SSMEM1: variants seen among roughly 807,000 people sequenced by gnomAD.
SSMEM1 encodes serine-rich single-pass membrane protein 1.
SSMEM1 carries 12 observed loss-of-function variants against 9.9 expected under a neutral mutation model. That is an observed-to-expected ratio of 1.21 (90% CI 0.78 to 1.96). SSMEM1 has a LOEUF of 1.96. Ranked by LOEUF, SSMEM1 falls within the 30% of genes most tolerant of loss-of-function variation. SSMEM1 has a pLI of 0.00. For synonymous variants in SSMEM1, 96 were observed against 98.9 expected (o/e 0.97, Z 0.17); for missense variants, 259 against 292.2 (o/e 0.89, Z 0.83).
At chr7:130,208,924 G>A (rs562656633) in intron 1 of SSMEM1, among the ~76,000 whole-genome samples, 24 of 151,704 alleles carry the variant, frequency 1.6e-4, no homozygotes, top group Non-Finnish European at 3.2e-4. Flanking sequence ...GTGAAGTGGT[G>A]CAATCTTGGC....
chr7:130,213,395 G>T, intron 1 of SSMEM1, 85 bp from the exon 2 acceptor site: 1 of 963,030 alleles, frequency 1.0e-6, no homozygotes, highest in Non-Finnish European at 1.6e-6. Flanking sequence ...ATTATAAATG[G>T]GCCTCAGCAA....
At chr7:130,208,614 T>C (rs934894034) in intron 1 of SSMEM1, among the ~76,000 whole-genome samples, 1 of 152,248 alleles carries the variant, frequency 6.6e-6, no homozygotes, top group Non-Finnish European at 1.5e-5. Flanking sequence ...ACCTCCCTGC[T>C]GGTTAATGAC....
In SSMEM1 at chr7:130,216,645, A is replaced by G. The variant is rs1798716372; in HGVS notation, c.*175A>G. The G allele has an allele frequency of 2.5e-6, 2 of 789,688 alleles. No homozygotes were observed. Among genetic ancestry groups the G allele is most frequent in the Non-Finnish European group, 3.9e-6 (2 of 513,974 alleles). The allele number at this position is 789,688 out of a possible 1,614,324, so 48.9% of individuals were successfully genotyped here. On this transcript the variant is annotated 3_prime_UTR_variant, in exon 3 of 3. Coordinates refer to ENST00000297819, the MANE Select transcript of SSMEM1 (RefSeq NM_145268.4). Reference sequence around the variant, plus strand: ...CACACAATTCTTCGTTCAAAAAAAAAAAGGCCATCACGTGTTTATGGCACC... The same window carrying G: ...CACACAATTCTTCGTTCAAAAAAAAGAAGGCCATCACGTGTTTATGGCACC...
At chr7:130,205,512 G>A (rs950013339), upstream of SSMEM1, 66 of 1,421,100 alleles carry the variant, frequency 4.6e-5, no homozygotes, top group Admixed American at 4.4e-4. Flanking sequence ...AGAAAGGGAG[G>A]GGTCGCAGGC....
At chr7:130,207,725 G>A (rs1403684132), upstream of SSMEM1, 3 of 711,344 alleles carry the variant, frequency 4.2e-6, no homozygotes, top group East Asian at 2.8e-5. Flanking sequence ...ATTCAGAGGA[G>A]TAATTTGAAT....
At chr7:130,208,247 G>A (rs536188352) in intron 1 of SSMEM1, among the ~76,000 whole-genome samples, 154 bp downstream of exon 1, 2 of 152,266 alleles carry the variant, frequency 1.3e-5, no homozygotes, top group Non-Finnish European at 2.9e-5. Flanking sequence ...CAGGAATATG[G>A]AAAAGGATGA....
chr7:130,212,833 T>G (rs1156529282), intron 1 of SSMEM1, among the ~76,000 whole-genome samples: 1 of 152,124 alleles, frequency 6.6e-6, no homozygotes, highest in Non-Finnish European at 1.5e-5. Context: ...GTAATGTAAA[T>G]GGGTACAGGA....
chr7:130,209,643 G>A (rs978639370), intron 1 of SSMEM1, among the ~76,000 whole-genome samples: 5 of 152,140 alleles, frequency 3.3e-5, no homozygotes, highest in African/African-American at 4.8e-5. Flanking sequence ...GCAATGGCAC[G>A]ATCTTGGCTC....
chr7:130,208,491 C>T (rs1315921891), intron 1 of SSMEM1, among the ~76,000 whole-genome samples: 1 of 152,138 alleles, frequency 6.6e-6, no homozygotes, highest in African/African-American at 2.4e-5. Flanking sequence ...CACTCAGCAG[C>T]ACTTTTAATG....
At chr7:130,210,160 A>G (rs1798565796) in intron 1 of SSMEM1, among the ~76,000 whole-genome samples, 1 of 152,222 alleles carries the variant, frequency 6.6e-6, no homozygotes, top group Non-Finnish European at 1.5e-5. Context: ...GTCCACTTAG[A>G]TCTACTCAGT....
chr7:130,206,947 C>T (rs1798490655), upstream of SSMEM1: 1 of 191,586 alleles, frequency 5.2e-6, no homozygotes, highest in South Asian at 6.2e-5. Context: ...GATGGTGCCA[C>T]TGCATTCCAG....
At chr7:130,210,360 A>G (rs1023728556) in intron 1 of SSMEM1, among the ~76,000 whole-genome samples, 16 of 152,190 alleles carry the variant, frequency 1.1e-4, no homozygotes, top group Non-Finnish European at 2.2e-4. Context: ...CTAAACTATG[A>G]GGCTTTATTT....
In SSMEM1 at chr7:130,216,356, C is replaced by T. The variant is rs762656335; in HGVS notation, c.621C>T (p.Asn207=). The T allele has an allele frequency of 6.8e-6, 11 of 1,614,090 alleles. No homozygotes were observed. The highest frequency in any genetic ancestry group is 4.5e-5 in the East Asian group (2 of 44,902). ...TCCACTGCAAAGCCTTGAGAACCAA[C>T]GAATGGTTGGCGCACCATTCCCGAC... ...HCLHCKALRT[N]EWLAHHSRQK... The change falls in exon 3 of 3, where the codon AAC becomes AAT. Residue 207 remains asparagine, a synonymous_variant. Coordinates refer to ENST00000297819, the MANE Select transcript of SSMEM1 (RefSeq NM_145268.4).
chr7:130,210,274 A>G (rs550703642), intron 1 of SSMEM1, among the ~76,000 whole-genome samples: 1 of 152,322 alleles, frequency 6.6e-6, no homozygotes, highest in East Asian at 1.9e-4. Context: ...CCCAGATTTG[A>G]AATCTGAGAA....
chr7:130,213,412 T>A, intron 1 of SSMEM1, 68 bp from the exon 2 acceptor site: 2 of 1,340,452 alleles, frequency 1.5e-6, no homozygotes, highest in Non-Finnish European at 2.1e-6. Flanking sequence ...GCAATAGTGT[T>A]TTATAACAAG....
In SSMEM1 at chr7:130,216,102, T is replaced by A. The variant is rs1177033442; in HGVS notation, c.367T>A (p.Tyr123Asn). 6.2e-7 allele frequency: 1 copy of A among 1,614,160 alleles called. No individual in the cohort carries two copies. The highest frequency in any genetic ancestry group is 1.7e-5 in the Admixed American group (1 of 60,022). Reference protein sequence around the residue: ...TNSEVALVNAYPEQRRARRQS... With the variant: ...TNSEVALVNANPEQRRARRQS... ...CTCAGAAGTGGCTTTGGTCAATGCCTATCCTGAACAAAGACGAGCCAGGCG... is the reference window on the plus strand; with the variant it reads ...CTCAGAAGTGGCTTTGGTCAATGCCAATCCTGAACAAAGACGAGCCAGGCG... Residue 123 changes from tyrosine (Y) to asparagine (N), a missense_variant, in exon 3 of 3, where the codon TAT becomes AAT. Tyr to Asn is a moderately radical substitution (Grantham distance 143, BLOSUM62 -2). Transcript: ENST00000297819.
chr7:130,209,545 A>T (rs1211757356), intron 1 of SSMEM1, among the ~76,000 whole-genome samples: 1 of 152,152 alleles, frequency 6.6e-6, no homozygotes, highest in Non-Finnish European at 1.5e-5. Flanking sequence ...ATTACCAAAA[A>T]AATTTCATCA....
Position 130,216,664 on chromosome 7 carries a change from T to G in SSMEM1, c.*194T>G. 3 of 625,726 alleles carry G rather than the reference T, an allele frequency of 4.8e-6. No homozygotes were observed. The highest frequency in any genetic ancestry group is 8.1e-6 in the Non-Finnish European group (3 of 371,156). The allele number at this position is 625,726 out of a possible 1,614,324, so 38.8% of individuals were successfully genotyped here. On this transcript the variant is annotated 3_prime_UTR_variant, in exon 3 of 3. Coordinates refer to ENST00000297819, the MANE Select transcript of SSMEM1 (RefSeq NM_145268.4). ...AAAAAAAAAGGCCATCACGTGTTTA[T>G]GGCACCATTGGAACACCAAAGATCT...
upstream of SSMEM1, chr7:130,205,552 A>T: frequency 5.1e-6 from 5 of 973,250 alleles, no homozygotes; most frequent in Non-Finnish European, 7.9e-6. Flanking sequence ...CCAGGGAAAC[A>T]GGTCTCGGTT....
Sources: gnomAD v4.1 joint callset for allele counts (sites outside exome capture counted in the v4.1 genomes callset) on GRCh38, gnomAD v4.1.1 for gene constraint, MANE v1.5 for transcripts, NCBI Gene and HGNC (gene_info 2026-07-23, HGNC 2026-07-21) for gene names.